KMT2D: variants seen among roughly 807,000 people sequenced by gnomAD.
KMT2D encodes histone-lysine N-methyltransferase 2D.
A neutral mutation model predicts 512.7 loss-of-function variants in KMT2D; 55 were observed. The ratio of observed to expected loss-of-function variants is 0.11; its 90% CI spans 0.09 to 0.13. The LOEUF (loss-of-function observed/expected upper bound fraction) is 0.13, where lower values mean the gene tolerates loss of function less well. Ranked by LOEUF, KMT2D falls within the 10% of genes least tolerant of loss-of-function variation. KMT2D has a pLI of 1.00. For synonymous variants in KMT2D, 2,995 were observed against 2,904.0 expected (o/e 1.03, Z -1.01); for missense variants, 6,061 against 7,127.9 (o/e 0.85, Z 5.39).
rs1176293794 is a variant in KMT2D, at chr12:49,037,119, G to A, written c.10231+6C>T. ...GTAACTTGGCTATGTTACCAGCTGA[G>A]GTTACCTGTATCTGGGAAGAAGCTG... On this transcript the variant is annotated splice_donor_region_variant and intron_variant, in intron 35 of 54. Coordinates refer to ENST00000301067, the MANE Select transcript of KMT2D (RefSeq NM_003482.4). The A allele has an allele frequency of 6.4e-7, 1 of 1,560,234 alleles. No individual in the cohort carries two copies. Among genetic ancestry groups the A allele is most frequent in the Non-Finnish European group, 8.7e-7 (1 of 1,147,796 alleles).
Position 49,033,318 on chromosome 12 carries a change from TG to T in KMT2D, c.11386del (p.Gln3796ArgfsTer34), listed in dbSNP as rs587783683. ...AGGGCCCAGCATGCCCTGGGGCCCC[TG>T]GGGTGGTTGAGGGGACAGCTGCTGG... is the stretch of plus-strand genomic sequence containing the variant. ...LVQQLSPQPP[Q>X]GPQGMLGPAQ... is the part of the protein sequence containing the mutation. On this transcript the variant is annotated frameshift_variant, in exon 40 of 55. Coordinates refer to ENST00000301067, the MANE Select transcript of KMT2D (RefSeq NM_003482.4). LOFTEE classifies it high-confidence loss of function. 1 of 1,593,344 alleles carries T rather than the reference TG, an allele frequency of 6.3e-7. No individual in the cohort carries two copies. Among genetic ancestry groups the T allele is most frequent in the Non-Finnish European group, 8.5e-7 (1 of 1,170,188 alleles).
Position 49,044,206 on chromosome 12 carries a change from C to T in KMT2D, c.5182G>A (p.Asp1728Asn), listed in dbSNP as rs370969225. ...AEVLSGDGQP[D>N]EVIPADLPAE... ...GTGCCCTCACCCGTCTCACCCTCGT[C>T]GGGCTGCCCATCCCCACTCAACACC... The change falls in exon 22 of 55, where the codon GAC becomes AAC. Residue 1728 changes from aspartate (D) to asparagine (N), a missense_variant. Asp to Asn is a conservative substitution (Grantham distance 23, BLOSUM62 1). This residue lies in a region of KMT2D where 640 missense variants were observed against 814.3 expected (regional missense o/e 0.79). Coordinates refer to ENST00000301067, the MANE Select transcript of KMT2D (RefSeq NM_003482.4). The surrounding 1 kb of genome is among the most constrained non-coding windows in gnomAD (Gnocchi z 6.4). The T allele has an allele frequency of 2.1e-5, 34 of 1,611,366 alleles. No individual in the cohort carries two copies. The highest frequency in any genetic ancestry group is 6.7e-5 in the African/African-American group (5 of 74,854).
chr12:49,039,985 C>G lies in KMT2D; in HGVS notation c.7785G>C (p.Gly2595=), dbSNP rs1197394788. ...TCTCCCCTGTGGACCCGCTGCTGGG[C>G]CCCAGGGGGCTGCCCGATGGGTGGA... is the stretch of plus-strand genomic sequence containing the variant. ...GNFHPSGSPL[G]PSSGSTGESY... The change falls in exon 32 of 55, where the codon GGG becomes GGC. Residue 2595 remains glycine, a synonymous_variant. Transcript: ENST00000301067. The surrounding 1 kb of genome is among the most constrained non-coding windows in gnomAD (Gnocchi z 5.0). 6.2e-7 allele frequency: 1 copy of G among 1,613,720 alleles called. No individual in the cohort carries two copies. Among genetic ancestry groups the G allele is most frequent in the Non-Finnish European group, 8.5e-7 (1 of 1,179,750 alleles).
Position 49,054,639 on chromosome 12 carries a change from C to A in KMT2D, c.289G>T (p.Val97Leu), listed in dbSNP as rs375614893. The change falls in exon 4 of 55, where the codon GTG (valine) becomes TTG (leucine). Residue 97 changes from valine (V) to leucine (L), a missense_variant. Coordinates refer to ENST00000301067, the MANE Select transcript of KMT2D (RefSeq NM_003482.4). The surrounding 1 kb of genome is among the most constrained non-coding windows in gnomAD (Gnocchi z 6.4). ...GGCCCTGGGCTCCCCCCAGGGGACA[C>A]CACTGGACACCGGGGCCAATCAAAT... Reference protein sequence around the residue: ...LPFDWPRCPVVSPGGSPGPNE... With the variant: ...LPFDWPRCPVLSPGGSPGPNE... 1.2e-6 allele frequency: 2 copies of A among 1,613,006 alleles called. No individual in the cohort carries two copies. The highest frequency in any genetic ancestry group is 2.7e-5 in the African/African-American group (2 of 74,878).
Position 49,028,311 on chromosome 12 carries a change from A to G in KMT2D, c.14383-170T>C, listed in dbSNP as rs10875914. Among the ~76,000 whole-genome samples the G allele has an allele frequency of 0.44, 66,539 of 151,970 alleles. 14,996 individuals carry two copies. Among genetic ancestry groups the G allele is most frequent in the African/African-American group, 0.54 (22,467 of 41,434 alleles). ...CTTCCCTCACAGCAGCCTTTCCCAA[A>G]CTGCTGTGGGCACTGACGGGAGCTC... is the stretch of plus-strand genomic sequence containing the variant. On this transcript the variant is annotated intron_variant, in intron 46 of 54. Transcript: ENST00000301067.
At position 49,025,874 on chromosome 12, in the gene KMT2D, G is replaced by C. The variant is rs111611528; in HGVS notation, c.15784+308C>G. 3.3e-4 allele frequency among the ~76,000 whole-genome samples: 51 copies of C among 152,302 alleles called. 1 individual carries two copies. Among genetic ancestry groups the C allele is most frequent in the African/African-American group, 9.1e-4 (38 of 41,558 alleles). On this transcript the variant is annotated intron_variant, in intron 49 of 54. Coordinates refer to ENST00000301067, the MANE Select transcript of KMT2D (RefSeq NM_003482.4). ...AAAACAACCCCAAGGAACTTGGTTA[G>C]GATTAGGTTGGGTGAGGCAGATGAT...
intron 12 of KMT2D, 80 bp downstream of exon 12, chr12:49,049,602 G>C (rs1937797146): frequency 7.0e-7 from 1 of 1,421,834 alleles, no homozygotes; most frequent in Middle Eastern, 2.5e-4. Flanking sequence ...AAGCAAGGTG[G>C]GAAAGTATCA....
At position 49,037,732 on chromosome 12, in the gene KMT2D, G is replaced by A. The variant is rs1943290689; in HGVS notation, c.9624C>T (p.Ser3208=). Residue 3208 remains serine (S), a synonymous_variant, in exon 35 of 55, where the codon TCC becomes TCT. Transcript: ENST00000301067. ...TCTCGAGCTCAAACTTTTCCAGCAG[G>A]GAGGATCCTCCTGGGCCACTCAGTG... ...PSPLSGPGGS[S]LLEKFELESG... is the part of the protein sequence containing the mutation. 2 of 1,588,882 alleles carry A rather than the reference G, an allele frequency of 1.3e-6. No individual in the cohort carries two copies. Among genetic ancestry groups the A allele is most frequent in the Non-Finnish European group, 8.6e-7 (1 of 1,167,538 alleles).
rs1943348733 is a variant in KMT2D at position 49,038,815 on chromosome 12, G to A, written c.8541C>T (p.Arg2847=). Residue 2847 remains arginine (R), a synonymous_variant, in exon 35 of 55, where the codon CGC becomes CGT. Transcript: ENST00000301067. The surrounding 1 kb of genome is among the most constrained non-coding windows in gnomAD (Gnocchi z 5.7). The stretch of plus-strand genomic sequence containing the variant: ...CCGCCAACGGGGAACCTAGGGCTTG[G>A]CGGCCAAGTTCAGGTCCAGGAGTTG... ...FPSTPGPELG[R]QALGSPLAGI... is the part of the protein sequence containing the mutation. 1.3e-6 allele frequency: 2 copies of A among 1,568,076 alleles called. No individual in the cohort carries two copies. Among genetic ancestry groups the A allele is most frequent in the Non-Finnish European group, 1.7e-6 (2 of 1,156,276 alleles).
Position 49,026,798 on chromosome 12 carries a change from C to T in KMT2D, c.15168G>A (p.Leu5056=), listed in dbSNP as rs2120362994. Residue 5056 remains leucine (L), a synonymous_variant, in exon 49 of 55, where the codon CTG becomes CTA. Coordinates refer to ENST00000301067, the MANE Select transcript of KMT2D (RefSeq NM_003482.4). This position sits in a 1 kb window ranked among gnomAD's most constrained non-coding sequence, Gnocchi z 9.6. The part of the protein sequence containing the change: ...PARLLNLDLD[L]WVHLNCALWS... ...AAAGGGCACAGTTGAGGTGCACCCA[C>T]AGGTCCAGGTCCAGGTTCAGCAGAC... 6.2e-7 allele frequency: 1 copy of T among 1,612,474 alleles called. No homozygotes were observed. The highest frequency in any genetic ancestry group is 8.5e-7 in the Non-Finnish European group (1 of 1,178,578).
rs767615162 is a variant in KMT2D, at chr12:49,040,227, G to A, written c.7543C>T (p.Pro2515Ser). 1.8e-5 allele frequency: 29 copies of A among 1,612,992 alleles called. No individual in the cohort carries two copies. In the Admixed American group the frequency reaches 2.7e-4, roughly 15 times the overall value. The part of the protein sequence containing the change: ...ELHAKVPSGQ[P>S]PNFVRSPGTG... Reference sequence around the variant, plus strand: ...CCAGGGGACCGGACAAAATTGGGGGGCTGCCCACTTGGGACCTTGGCATGG... The same window carrying A: ...CCAGGGGACCGGACAAAATTGGGGGACTGCCCACTTGGGACCTTGGCATGG... Residue 2515 changes from proline (P) to serine (S), a missense_variant, in exon 32 of 55, where the codon CCC becomes TCC. Physicochemically the swap from Pro to Ser is moderately conservative, Grantham distance 74. Transcript: ENST00000301067.
rs1376080610 is a variant in KMT2D, at chr12:49,052,279, TGACAGGCGTGATGCCTCAGGTGGTGGG to T, written c.1377_1403del (p.Ala464_Glu472del). On this transcript the variant is annotated inframe_deletion, in exon 11 of 55. Coordinates refer to ENST00000301067, the MANE Select transcript of KMT2D (RefSeq NM_003482.4). ...ATGCGGGCAATTCCTCAGGTGGTGG[TGACAGGCGTGATGCCTCAGGTGGTGGG>T]GACGTGGGTGATTCCTCAGGTGGTG... The T allele has an allele frequency of 4.2e-6, 6 of 1,439,944 alleles. No individual in the cohort carries two copies. The highest frequency in any genetic ancestry group is 5.5e-6 in the Non-Finnish European group (6 of 1,082,044). 89.2% of individuals were successfully genotyped at this position (1,439,944 alleles called of 1,614,324 possible). A position where few individuals can be genotyped will look rare whatever the true frequency, so the allele number is the denominator to read the frequency against.
Position 49,026,530 on chromosome 12 carries a change from G to T in KMT2D, c.15436C>A (p.Leu5146Met). The T allele has an allele frequency of 6.2e-7, 1 of 1,613,990 alleles. No individual in the cohort carries two copies. The highest frequency in any genetic ancestry group is 8.5e-7 in the Non-Finnish European group (1 of 1,179,896). ...HKIKGPCEQE[L>M]SSFAVFRRVY... ...CGCCGGAAGACAGCAAAAGAGCTCA[G>T]CTCTTGCTCACAGGGCCCCTTGATC... is the stretch of plus-strand genomic sequence containing the variant. Residue 5146 changes from leucine (L) to methionine (M), a missense_variant, in exon 49 of 55, where the codon CTG becomes ATG. Leu to Met is a conservative substitution (Grantham distance 15, BLOSUM62 2). Transcript: ENST00000301067. The surrounding 1 kb of genome is among the most constrained non-coding windows in gnomAD (Gnocchi z 9.6).
rs898967245 is a variant in KMT2D at position 49,049,631 on chromosome 12, TC to T, written c.3906+50del. 26 of 1,515,576 alleles carry T rather than the reference TC, an allele frequency of 1.7e-5. No homozygotes were observed. The African/African-American group carries it at 3.3e-4, about 19-fold the overall frequency. 93.9% of individuals were successfully genotyped at this position (1,515,576 alleles called of 1,614,324 possible). On this transcript the variant is annotated intron_variant, in intron 12 of 54. Transcript: ENST00000301067. ...AGTATCAGTGACACAGGACTGTACC[TC>T]TGACAGTGGGCTAACTCTAATCACA...
chr12:49,041,319 G>C lies in KMT2D; in HGVS notation c.6451C>G (p.Pro2151Ala), dbSNP rs2120544988. 1 of 1,538,644 alleles carries C rather than the reference G, an allele frequency of 6.5e-7. No individual in the cohort carries two copies. The highest frequency in any genetic ancestry group is 1.3e-5 in the South Asian group (1 of 78,784). Residue 2151 changes from proline to alanine, a missense_variant, in exon 32 of 55, where the codon CCT (proline) becomes GCT (alanine). Transcript: ENST00000301067. This position sits in a 1 kb window ranked among gnomAD's most constrained non-coding sequence, Gnocchi z 5.4. The part of the protein sequence containing the change: ...GFLKPPAGSV[P>A]GPDSPGELFL... Reference sequence around the variant, plus strand: ...AGCTCACCAGGCGAGTCAGGGCCAGGCACCGAGCCCGCCGGCGGCTTCAGG... The same window carrying C: ...AGCTCACCAGGCGAGTCAGGGCCAGCCACCGAGCCCGCCGGCGGCTTCAGG...
chr12:49,045,096 G>A, intron 19 of KMT2D, 131 bp from the exon 20 acceptor site: 2 of 819,644 alleles, frequency 2.4e-6, no homozygotes, highest in Non-Finnish European at 3.9e-6. Context: ...TAAATGCTGA[G>A]GAGAACAGGC....
rs759884244 is a variant in KMT2D, at chr12:49,041,322, C to A, written c.6448G>T (p.Val2150Leu). ...TCACCAGGCGAGTCAGGGCCAGGCA[C>A]CGAGCCCGCCGGCGGCTTCAGGAAC... ...DGFLKPPAGS[V>L]PGPDSPGELF... Residue 2150 changes from valine (V) to leucine (L), a missense_variant, in exon 32 of 55, where the codon GTG (valine) becomes TTG (leucine). By Grantham distance (32) the Val-to-Leu change is conservative. Around this residue, in one of 16 missense-constraint regions of KMT2D, gnomAD observed 710 missense variants for 647.3 expected, o/e 1.10. Coordinates refer to ENST00000301067, the MANE Select transcript of KMT2D (RefSeq NM_003482.4). The surrounding 1 kb of genome is among the most constrained non-coding windows in gnomAD (Gnocchi z 5.4). The A allele has an allele frequency of 1.3e-6, 2 of 1,537,602 alleles. No individual in the cohort carries two copies. Among genetic ancestry groups the A allele is most frequent in the Non-Finnish European group, 1.7e-6 (2 of 1,144,302 alleles).
At position 49,048,445 on chromosome 12, in the gene KMT2D, CTA is replaced by C. The variant is rs756191973; in HGVS notation, c.4131+212_4131+213del. Among the ~76,000 whole-genome samples, 61 of 152,370 alleles carry C rather than the reference CTA, an allele frequency of 4.0e-4. 4 individuals carry two copies. The East Asian group carries it at 6.2e-3, about 15-fold the overall frequency. On this transcript the variant is annotated intron_variant, in intron 14 of 54. Transcript: ENST00000301067. The stretch of plus-strand genomic sequence containing the variant: ...CAATAAGGCAAAGACTTTTTCACTG[CTA>C]TTTCTCTAGCTCCTAGCTTAGTGCC...
intron 6 of KMT2D, 79 bp from the exon 7 acceptor site, chr12:49,053,720 C>T (rs1340062904): frequency 2.8e-6 from 4 of 1,441,616 alleles, no homozygotes; most frequent in Non-Finnish European, 2.8e-6. Flanking sequence ...AAAACAGGCA[C>T]TCCATGGGCA....
Sources: gnomAD v4.1 joint callset for allele counts (sites outside exome capture counted in the v4.1 genomes callset) on GRCh38, gnomAD v4.1.1 for gene constraint, gnomAD v4.1.1 regional missense constraint, Gnocchi (gnomAD v3.1) non-coding constraint, MANE v1.5 for transcripts, NCBI Gene and HGNC (gene_info 2026-07-23, HGNC 2026-07-21) for gene names.